Variants in ACTA2 observed in about 807,000 individuals in gnomAD.
ACTA2 encodes the protein actin alpha 2, smooth muscle, also known as actin, aortic smooth muscle.
In ACTA2, 12 loss-of-function variants were observed where a neutral mutation model predicts 39.5. The observed-to-expected ratio is 0.30, with a 90% CI of 0.19 to 0.49. The LOEUF (loss-of-function observed/expected upper bound fraction) is 0.49. ACTA2 is among the 20% of genes least tolerant of loss of function. The pLI, the probability that ACTA2 is intolerant of heterozygous loss-of-function variation, is 0.99. For missense variants in ACTA2, 236 were observed against 498.8 expected (o/e 0.47, Z 5.02); for synonymous variants, 158 against 180.6 (o/e 0.88, Z 1.00).
intron 1 of ACTA2, among the ~76,000 whole-genome samples, chr10:88,968,656 A>G (rs562574944): frequency 6.6e-6 from 1 of 152,278 alleles, no homozygotes; most frequent in East Asian, 1.9e-4. Flanking sequence ...GAGAACCTTG[A>G]CTTTATAAGG....
intron 1 of ACTA2, among the ~76,000 whole-genome samples, chr10:88,964,258 C>T (rs1221318030): frequency 6.6e-6 from 1 of 152,058 alleles, no homozygotes; most frequent in East Asian, 1.9e-4. Flanking sequence ...AAAAAGCGAA[C>T]AGAAGTTTAT....
chr10:88,988,983 G>C (rs556835043), intron 1 of ACTA2, among the ~76,000 whole-genome samples: 2 of 152,322 alleles, frequency 1.3e-5, no homozygotes, highest in East Asian at 3.9e-4. Context: ...CGTGGGCAGA[G>C]GGTAGGGGAA....
chr10:88,966,985 G>T (rs1033122823), intron 1 of ACTA2, among the ~76,000 whole-genome samples: 1 of 152,176 alleles, frequency 6.6e-6, no homozygotes, highest in Non-Finnish European at 1.5e-5. Flanking sequence ...CTCAAACAGC[G>T]CCAAGAGGGC....
intron 1 of ACTA2, among the ~76,000 whole-genome samples, chr10:88,968,871 A>G (rs182145512): frequency 6.6e-6 from 1 of 152,294 alleles, no homozygotes; most frequent in East Asian, 1.9e-4. Context: ...TCTTCTTGGA[A>G]AGTAGATGTG....
At chr10:88,989,639 A>G (rs951835468) in intron 1 of ACTA2, 6 of 510,256 alleles carry the variant, frequency 1.2e-5, no homozygotes, top group African/African-American at 1.2e-4. Context: ...AGGGTAACCT[A>G]ACCTAGATTT....
intron 1 of ACTA2, among the ~76,000 whole-genome samples, chr10:88,951,636 G>T (rs1846052038): frequency 6.6e-6 from 1 of 152,306 alleles, no homozygotes; most frequent in African/African-American, 2.4e-5. Flanking sequence ...ACCTGAATGA[G>T]CAGTTCGGTT....
chr10:88,943,724 G>T, intron 4 of ACTA2, 73 bp downstream of exon 4: 1 of 1,291,698 alleles, frequency 7.7e-7, no homozygotes, highest in Non-Finnish European at 1.1e-6. Context: ...TCTCTCTGCT[G>T]TGCTGCATAG....
chr10:88,942,857 G>A (rs992980421), intron 4 of ACTA2, among the ~76,000 whole-genome samples: 9 of 152,128 alleles, frequency 5.9e-5, no homozygotes, highest in African/African-American at 2.2e-4. Flanking sequence ...TAGAGAACAA[G>A]TGCTAGTGGG....
intron 1 of ACTA2, among the ~76,000 whole-genome samples, chr10:88,960,061 C>T (rs1846202116): frequency 1.3e-5 from 2 of 152,148 alleles, no homozygotes; most frequent in Admixed American, 6.6e-5. Context: ...TGCCAGGTTT[C>T]TCTACTGTAA....
chr10:88,970,734 G>A (rs748861844), intron 1 of ACTA2, among the ~76,000 whole-genome samples: 4 of 152,070 alleles, frequency 2.6e-5, no homozygotes, highest in Non-Finnish European at 4.4e-5. Flanking sequence ...TGGGGAGAGC[G>A]GGGAGGGATA....
intron 1 of ACTA2, among the ~76,000 whole-genome samples, chr10:88,975,963 T>C (rs1846552702): frequency 6.6e-6 from 1 of 152,218 alleles, no homozygotes; most frequent in East Asian, 1.9e-4. Flanking sequence ...AAATTAATTG[T>C]CACCAAAATC....
At chr10:88,962,969 A>G (rs1388241874) in intron 1 of ACTA2, among the ~76,000 whole-genome samples, 4 of 42,216 alleles carry the variant, frequency 9.5e-5, no homozygotes, top group East Asian at 9.3e-4. Context: ...ATATATATAT[A>G]TATATATAAT....
chr10:88,945,883 T>C (rs1472405615), intron 3 of ACTA2, among the ~76,000 whole-genome samples: 1 of 152,178 alleles, frequency 6.6e-6, no homozygotes, highest in Non-Finnish European at 1.5e-5. Context: ...TTTAGCTATA[T>C]TGCACTGAGA....
intron 1 of ACTA2, among the ~76,000 whole-genome samples, chr10:88,970,434 C>T (rs1390462182): frequency 6.6e-6 from 1 of 152,108 alleles, no homozygotes; most frequent in African/African-American, 2.4e-5. Flanking sequence ...GGAGCTTAGG[C>T]CCCTGCTTGT....
At chr10:88,968,150 T>C (rs1846354120) in intron 1 of ACTA2, among the ~76,000 whole-genome samples, 1 of 152,208 alleles carries the variant, frequency 6.6e-6, no homozygotes, top group Admixed American at 6.5e-5. Flanking sequence ...AACTTGTATT[T>C]TGCATATTTA....
In ACTA2 at chr10:88,990,104, C is replaced by T. The variant is rs1265691638; in HGVS notation, c.-24+835G>A. ...TATGCGATTTGGCTTAAGTTGTTAG[C>T]TTTGTTTTCCTCTTGAGAAATAAAA... is the stretch of plus-strand genomic sequence containing the variant. On this transcript the variant is annotated intron_variant, in intron 1 of 4. Transcript: ENST00000415557. The surrounding 1 kb of genome is among the most constrained non-coding windows in gnomAD (Gnocchi z 4.9). 6.6e-6 allele frequency among the ~76,000 whole-genome samples: 1 copy of T among 152,152 alleles called. No individual in the cohort carries two copies. The highest frequency in any genetic ancestry group is 2.4e-5 in the African/African-American group (1 of 41,430).
chr10:88,947,183 T>C, intron 3 of ACTA2, 75 bp downstream of exon 3: 1 of 1,583,168 alleles, frequency 6.3e-7, no homozygotes, highest in Non-Finnish European at 8.7e-7. Flanking sequence ...TCCCCAGCAG[T>C]AGTGTGGTGT....
At position 88,938,117 on chromosome 10, in the gene ACTA2, C is replaced by T. The variant is rs143284145; in HGVS notation, c.934G>A (p.Ala312Thr). The change falls in exon 8 of 9, where the codon GCC (alanine) becomes ACC (threonine). Residue 312 changes from alanine to threonine, a missense_variant. Ala to Thr is a moderately conservative substitution (Grantham distance 58, BLOSUM62 0). Coordinates refer to ENST00000224784, the MANE Select transcript of ACTA2 (RefSeq NM_001613.4). ...GTGATCTCCTTCTGCATTCGGTCGG[C>T]AATGCCAGGGTACATAGTGGTGCCC... ...SGGTTMYPGI[A>T]DRMQKEITAL... 1 of 1,613,900 alleles carries T rather than the reference C, an allele frequency of 6.2e-7. No homozygotes were observed. Among genetic ancestry groups the T allele is most frequent in the Non-Finnish European group, 8.5e-7 (1 of 1,179,956 alleles).
chr10:88,990,955 G>A lies in ACTA2; in HGVS notation c.-40C>T. 1 of 1,613,714 alleles carries A rather than the reference G, an allele frequency of 6.2e-7. No individual in the cohort carries two copies. The highest frequency in any genetic ancestry group is 2.2e-5 in the East Asian group (1 of 44,864). ...GAGGCTTACCCCGTCTTAGTCCCGG[G>A]GATAGGCAAAGTGGGGCGGGCGCGG... is the stretch of plus-strand genomic sequence containing the variant. On this transcript the variant is annotated 5_prime_UTR_variant, in exon 1 of 5. Transcript: ENST00000415557. This position sits in a 1 kb window ranked among gnomAD's most constrained non-coding sequence, Gnocchi z 4.9.
Sources: gnomAD v4.1 joint callset for allele counts (sites outside exome capture counted in the v4.1 genomes callset) on GRCh38, gnomAD v4.1.1 for gene constraint, Gnocchi (gnomAD v3.1) non-coding constraint, MANE v1.5 for transcripts, NCBI Gene and HGNC (gene_info 2026-07-23, HGNC 2026-07-21) for gene names.